CUX1: variants seen among roughly 807,000 people sequenced by gnomAD.
CUX1 encodes protein CASP.
In CUX1, 31 loss-of-function variants were observed where a neutral mutation model predicts 158.8. That is an observed-to-expected ratio of 0.20 (90% confidence interval 0.15 to 0.26). The LOEUF (loss-of-function observed/expected upper bound fraction) is 0.26. Ranked by LOEUF, CUX1 falls within the 10% of genes least tolerant of loss-of-function variation. CUX1 has a pLI of 1.00. For synonymous variants in CUX1, 879 were observed against 862.1 expected (o/e 1.02, Z -0.34); for missense variants, 1,589 against 2,014.6 (o/e 0.79, Z 4.04).
At chr7:102,013,729 A>G (rs1441350158) in intron 2 of CUX1, among the ~76,000 whole-genome samples, 1 of 152,104 alleles carries the variant, frequency 6.6e-6, no homozygotes, top group Non-Finnish European at 1.5e-5. Flanking sequence ...TTTTTGAGAA[A>G]GGGCTTGTTC....
At chr7:102,037,426 C>T (rs1821567962) in intron 3 of CUX1, among the ~76,000 whole-genome samples, 1 of 148,664 alleles carries the variant, frequency 6.7e-6, no homozygotes, top group Non-Finnish European at 1.5e-5. Flanking sequence ...GATCTTGGCT[C>T]ACCACAACCT....
At chr7:102,159,734 G>A (rs1370656773) in intron 9 of CUX1, among the ~76,000 whole-genome samples, 3 of 151,804 alleles carry the variant, frequency 2.0e-5, no homozygotes, top group South Asian at 2.1e-4. Flanking sequence ...GGTGGCAGGC[G>A]CCTATAATCT....
At chr7:102,056,093 C>G (rs1451488527) in intron 3 of CUX1, among the ~76,000 whole-genome samples, 5 of 152,138 alleles carry the variant, frequency 3.3e-5, no homozygotes, top group Non-Finnish European at 7.3e-5. Flanking sequence ...AAGTTGGAAG[C>G]TAGCGGAGGT....
chr7:101,959,181 C>A (rs1810145677), intron 2 of CUX1, among the ~76,000 whole-genome samples: 1 of 151,698 alleles, frequency 6.6e-6, no homozygotes, highest in Non-Finnish European at 1.5e-5. Flanking sequence ...CCTATAGATT[C>A]AGGAAAAACA....
At chr7:101,971,664 C>T (rs1811969597) in intron 2 of CUX1, among the ~76,000 whole-genome samples, 1 of 152,070 alleles carries the variant, frequency 6.6e-6, no homozygotes, top group African/African-American at 2.4e-5. Flanking sequence ...TTACGCTGTC[C>T]ACAAGCTCAA....
intron 1 of CUX1, chr7:101,913,371 C>A: frequency 7.9e-7 from 1 of 1,268,030 alleles, no homozygotes; most frequent in Non-Finnish European, 1.0e-6. Context: ...CCGCAGACCC[C>A]CGTTGAGTCC....
chr7:102,229,601 C>T (rs576031360), intron 21 of CUX1, among the ~76,000 whole-genome samples: 5 of 145,088 alleles, frequency 3.4e-5, no homozygotes, highest in East Asian at 2.0e-4. Context: ...CATGAGCCAC[C>T]GTGTCTGGCC....
At chr7:102,072,498 C>G (rs1826244777) in intron 4 of CUX1, among the ~76,000 whole-genome samples, 1 of 152,242 alleles carries the variant, frequency 6.6e-6, no homozygotes, top group African/African-American at 2.4e-5. Context: ...TGCAACCAAT[C>G]AGAGGCTGAA....
exon 16 of CUX1, chr7:102,274,250 G>T: frequency 6.2e-7 from 1 of 1,613,072 alleles, no homozygotes; most frequent in Non-Finnish European, 8.5e-7. Context: ...GCAGGGTGCC[G>T]CTGAGCACCG....
chr7:101,877,744 A>G (rs1315584174), intron 1 of CUX1, among the ~76,000 whole-genome samples: 4 of 147,330 alleles, frequency 2.7e-5, no homozygotes, highest in African/African-American at 5.0e-5. Context: ...CAGTACATTA[A>G]AATCCCTCCA....
rs1394918087 is a variant in CUX1 at position 102,243,673 on chromosome 7, A to ATAATAG, written c.3887+4094_3887+4095insGTAATA. Reference sequence around the variant, plus strand: ...AATAATAATAATAATAATAATAATAATAATAAAATAAATGAAGGAGAAGTG... The same window carrying ATAATAG: ...AATAATAATAATAATAATAATAATAATAATAGTAATAAAATAAATGAAGGAGAAGTG... On this transcript the variant is annotated intron_variant, in intron 23 of 23. Coordinates refer to ENST00000292535, the MANE Select transcript of CUX1 (RefSeq NM_181552.4). Among the ~76,000 whole-genome samples, 12 of 146,418 alleles carry ATAATAG rather than the reference A, an allele frequency of 8.2e-5. No homozygotes were observed. The East Asian group carries it at 1.2e-3, about 14-fold the overall frequency.
chr7:102,256,133 G>A lies in CUX1; in HGVS notation c.*7091G>A, dbSNP rs571299350. 3.1e-5 allele frequency: 31 copies of A among 985,402 alleles called. No individual in the cohort carries two copies. Among genetic ancestry groups the A allele is most frequent in the East Asian group, 1.1e-4 (1 of 8,810 alleles). The allele number at this position is 985,402 out of a possible 1,614,324, so 61.0% of individuals were successfully genotyped here. A position where few individuals can be genotyped will look rare whatever the true frequency, so the allele number is the denominator to read the frequency against. Reference sequence around the variant, plus strand: ...CGTGCAGGGCCCGCGGGCTCTGGCCGGAGCCGCTGGCCTGACGAGGCAGGA... The same window carrying A: ...CGTGCAGGGCCCGCGGGCTCTGGCCAGAGCCGCTGGCCTGACGAGGCAGGA... On this transcript the variant is annotated 3_prime_UTR_variant, in exon 24 of 24. Transcript: ENST00000292535.
In CUX1 at chr7:102,195,602, C is replaced by T. The variant is rs782535038; in HGVS notation, c.1221C>T (p.Ser407=). 4.4e-6 allele frequency: 7 copies of T among 1,604,654 alleles called. No homozygotes were observed. The highest frequency in any genetic ancestry group is 1.1e-5 in the South Asian group (1 of 89,150). Residue 407 remains serine, a splice_region_variant and synonymous_variant, in exon 14 of 24, where the codon AGC becomes AGT. Coordinates refer to ENST00000292535, the MANE Select transcript of CUX1 (RefSeq NM_181552.4). ...TGCGCATCTCCAACAGCGACCTGAG[C>T]GGTAGGTTGGCCGGGCTTCGCGCGT... The part of the protein sequence containing the change: ...AALRISNSDL[S]GSARRKGKDQ...
At chr7:102,052,950 G>A (rs1256023098) in intron 3 of CUX1, among the ~76,000 whole-genome samples, 1 of 152,112 alleles carries the variant, frequency 6.6e-6, no homozygotes, top group Non-Finnish European at 1.5e-5. Context: ...TGGGATTACA[G>A]GCACGTGCCA....
intron 1 of CUX1, among the ~76,000 whole-genome samples, chr7:101,850,392 G>A (rs948066389): frequency 6.7e-6 from 1 of 148,638 alleles, no homozygotes; most frequent in Non-Finnish European, 1.5e-5. Flanking sequence ...CCCAAGAGCA[G>A]CCCTGGTTTT....
chr7:102,080,080 G>A (rs1170754529), intron 4 of CUX1, among the ~76,000 whole-genome samples: 1 of 152,182 alleles, frequency 6.6e-6, no homozygotes, highest in African/African-American at 2.4e-5. Context: ...AGACAAGCAG[G>A]CATGACAAGA....
At position 102,050,910 on chromosome 7, in the gene CUX1, C is replaced by A. The variant is rs559005382; in HGVS notation, c.190-19429C>A. On this transcript the variant is annotated intron_variant, in intron 3 of 23. Transcript: ENST00000292535. The stretch of plus-strand genomic sequence containing the variant: ...ATTTCCCTAACCTCGCTGGAATCAG[C>A]TCCCTCCTTCCCAGCAGTTGGCTTT... Among the ~76,000 whole-genome samples, 97 of 152,190 alleles carry A rather than the reference C, an allele frequency of 6.4e-4. 2 individuals are homozygous for A. The South Asian group carries it at 0.019, about 30-fold the overall frequency.
chr7:102,165,867 C>T lies in CUX1; in HGVS notation c.724-4579C>T, dbSNP rs1041649763. 6.6e-5 allele frequency among the ~76,000 whole-genome samples: 10 copies of T among 152,114 alleles called. 1 individual carries two copies. Among genetic ancestry groups the T allele is most frequent in the Admixed American group, 1.3e-4 (2 of 15,276 alleles). On this transcript the variant is annotated intron_variant, in intron 9 of 23. Transcript: ENST00000292535. ...GCCTCCTTCACCTTCCCCAGAGAAG[C>T]GAGGCTCCCCTGGGTCTCACGGTGG... is the stretch of plus-strand genomic sequence containing the variant.
At chr7:102,194,745 A>G (rs534670000) in intron 13 of CUX1, among the ~76,000 whole-genome samples, 2 of 151,988 alleles carry the variant, frequency 1.3e-5, no homozygotes, top group African/African-American at 4.8e-5. Flanking sequence ...ATCCCAGACC[A>G]AGCATGGTGG....
Sources: allele counts gnomAD v4.1 joint callset (sites outside exome capture counted in the v4.1 genomes callset), GRCh38; gene constraint gnomAD v4.1.1; transcripts MANE v1.5; gene names NCBI Gene and HGNC (gene_info 2026-07-23, HGNC 2026-07-21).